Variants in TXNDC5 observed in about 807,000 individuals in gnomAD.
TXNDC5 encodes thioredoxin domain containing 5.
In TXNDC5, 44 loss-of-function variants were observed where a neutral mutation model predicts 52.6. The observed-to-expected ratio is 0.84, with a 90% CI of 0.66 to 1.08. The LOEUF (loss-of-function observed/expected upper bound fraction) is 1.08. Among genes scored for constraint, TXNDC5 ranks in the 50% least tolerant of loss-of-function variants. The probability of loss-of-function intolerance (pLI) is 0.00; values close to 1 mark genes in which losing one functional copy is unlikely to be tolerated. For synonymous variants in TXNDC5, 241 were observed against 234.4 expected (o/e 1.03, Z -0.26); for missense variants, 600 against 565.5 (o/e 1.06, Z -0.62).
At chr6:7,892,331 G>A (rs1483532299) in intron 4 of TXNDC5, among the ~76,000 whole-genome samples, 1 of 152,172 alleles carries the variant, frequency 6.6e-6, no homozygotes, top group Non-Finnish European at 1.5e-5. Context: ...CACACTACGG[G>A]GACACAATTA....
chr6:7,899,502 A>T, intron 3 of TXNDC5, 74 bp downstream of exon 3: 1 of 1,141,884 alleles, frequency 8.8e-7, no homozygotes, highest in Non-Finnish European at 1.2e-6. Flanking sequence ...CTGCCCCGTT[A>T]CATATTACCC....
intron 2 of TXNDC5, among the ~76,000 whole-genome samples, chr6:7,900,519 G>A (rs943510662): frequency 2.0e-5 from 3 of 152,216 alleles, no homozygotes; most frequent in Non-Finnish European, 2.9e-5. Context: ...TCTACAGCGC[G>A]TATGTGGATT....
At chr6:7,893,121 A>G (rs753258951) in intron 4 of TXNDC5, among the ~76,000 whole-genome samples, 1 of 152,250 alleles carries the variant, frequency 6.6e-6, no homozygotes, top group East Asian at 1.9e-4. Context: ...AAACCCTCAC[A>G]GCATCATTAT....
At chr6:7,883,410 C>T (rs1581303409) in intron 9 of TXNDC5, 144 bp from the exon 10 acceptor site, 1 of 1,156,912 alleles carries the variant, frequency 8.6e-7, no homozygotes, top group East Asian at 2.6e-5. Flanking sequence ...TCCATTAAAA[C>T]AGGAGCAGAC....
Position 7,883,023 on chromosome 6 carries a change from A to C in TXNDC5, c.*121T>G. On this transcript the variant is annotated 3_prime_UTR_variant, in exon 10 of 10. Transcript: ENST00000379757. ...AACACACACACAAAGAAGATACCTCACGCTTAGTATGTTCTGCTTTCTGAA... is the reference window on the plus strand; with the variant it reads ...AACACACACACAAAGAAGATACCTCCCGCTTAGTATGTTCTGCTTTCTGAA... 3 of 1,337,180 alleles carry C rather than the reference A, an allele frequency of 2.2e-6. No homozygotes were observed. Among genetic ancestry groups the C allele is most frequent in the South Asian group, 1.3e-5 (1 of 75,302 alleles). The allele number at this position is 1,337,180 out of a possible 1,614,324, so 82.8% of individuals were successfully genotyped here. A position where few individuals can be genotyped will look rare whatever the true frequency, so the allele number is the denominator to read the frequency against.
intron 7 of TXNDC5, among the ~76,000 whole-genome samples, chr6:7,886,998 A>G (rs952741781): frequency 6.6e-6 from 1 of 152,244 alleles, no homozygotes; most frequent in Middle Eastern, 3.2e-3. Flanking sequence ...GTATATAATT[A>G]TACTCAATTT....
intron 1 of TXNDC5, among the ~76,000 whole-genome samples, chr6:7,907,181 A>G (rs192713531): frequency 1.6e-5 from 2 of 124,812 alleles, no homozygotes; most frequent in Admixed American, 7.5e-5. Context: ...TTTTTTTGAG[A>G]AAACACAAGA....
intron 3 of TXNDC5, among the ~76,000 whole-genome samples, chr6:7,898,082 GAT>G (rs1185900627): frequency 6.7e-6 from 1 of 149,904 alleles, no homozygotes; most frequent in Non-Finnish European, 1.5e-5. Flanking sequence ...TTTTTTCCAC[GAT>G]AGTTTTTGCT....
Position 7,910,005 on chromosome 6 carries a change from T to C in TXNDC5, c.263+509A>G, listed in dbSNP as rs547917369. The C allele has an allele frequency of 2.6e-4, 256 of 986,072 alleles. 2 individuals carry two copies. In the African/African-American group the frequency reaches 4.2e-3, roughly 16 times the overall value. The allele number at this position is 986,072 out of a possible 1,614,324, so 61.1% of individuals were successfully genotyped here. ...AGGGACCGCGGGGTGACATTTGGAC[T>C]CCCGGCTGCCCGAAAGGGCGACGAC... On this transcript the variant is annotated intron_variant, in intron 1 of 9. Transcript: ENST00000379757.
At chr6:7,908,281 C>CAAAAAAAAAAAAAAAAAAAAA in intron 1 of TXNDC5, among the ~76,000 whole-genome samples, 1 of 62,780 alleles carries the variant, frequency 1.6e-5, no homozygotes, top group Non-Finnish European at 3.2e-5. Context: ...GACTCCATCT[C>CAAAAAAAAAAAAAAAAAAAAA]AAAAAAAAAA....
chr6:7,909,364 G>A (rs1008721647), intron 1 of TXNDC5, among the ~76,000 whole-genome samples: 2 of 151,498 alleles, frequency 1.3e-5, no homozygotes. Flanking sequence ...TAAAATTATG[G>A]CTTTCTGCTC....
At position 7,910,698 on chromosome 6, in the gene TXNDC5, C is replaced by CCAGCAGCAG. The variant is rs775841007; in HGVS notation, c.70_78dup (p.Leu24_Leu26dup). On this transcript the variant is annotated inframe_insertion, in exon 1 of 10. Coordinates refer to ENST00000379757, the MANE Select transcript of TXNDC5 (RefSeq NM_030810.5). The stretch of plus-strand genomic sequence containing the variant: ...CCCCAGCGCCCGCCGCCGCCATGGC[C>CCAGCAGCAG]CAGCAGCAGCAGCAGCAGCGCAGTC... The CCAGCAGCAG allele has an allele frequency of 4.9e-5, 54 of 1,092,938 alleles. No individual in the cohort carries two copies. The East Asian group carries it at 7.0e-4, about 14-fold the overall frequency. The allele number at this position is 1,092,938 out of a possible 1,614,324, so 67.7% of individuals were successfully genotyped here. A position where few individuals can be genotyped will look rare whatever the true frequency, so the allele number is the denominator to read the frequency against.
At chr6:7,900,624 G>A (rs1310043694) in intron 2 of TXNDC5, among the ~76,000 whole-genome samples, 2 of 152,138 alleles carry the variant, frequency 1.3e-5, no homozygotes, top group East Asian at 1.9e-4. Context: ...TTAGTTCAAC[G>A]GCTGTAACAG....
At chr6:7,910,060 G>A (rs1174747345) in intron 1 of TXNDC5, 2 of 986,198 alleles carry the variant, frequency 2.0e-6, no homozygotes, top group Admixed American at 6.1e-5. Flanking sequence ...GTGCCGAGGT[G>A]CAAGAGGCGG....
At chr6:7,910,149 C>A in intron 1 of TXNDC5, 1 of 988,694 alleles carries the variant, frequency 1.0e-6, no homozygotes, top group South Asian at 4.6e-5. Flanking sequence ...CGCACCGCCC[C>A]GGCCGCCGAG....
Position 7,902,645 on chromosome 6 carries a change from G to A in TXNDC5, c.413+1929C>T, listed in dbSNP as rs186583750. On this transcript the variant is annotated intron_variant, in intron 2 of 9. Coordinates refer to ENST00000379757, the MANE Select transcript of TXNDC5 (RefSeq NM_030810.5). The stretch of plus-strand genomic sequence containing the variant: ...TTGCACACAGCACATTCCACCTCCT[G>A]CATTCTCGGGGGGAAAATAATCTGT... Among the ~76,000 whole-genome samples, 143 of 152,060 alleles carry A rather than the reference G, an allele frequency of 9.4e-4. 1 individual carries two copies. Among genetic ancestry groups the A allele is most frequent in the African/African-American group, 3.3e-3 (138 of 41,468 alleles).
intron 2 of TXNDC5, among the ~76,000 whole-genome samples, chr6:7,901,488 T>A (rs879471998): frequency 2.6e-5 from 4 of 152,130 alleles, no homozygotes; most frequent in Middle Eastern, 3.4e-3. Context: ...ACAAATAATT[T>A]AAAAAAAACC....
intron 7 of TXNDC5, among the ~76,000 whole-genome samples, chr6:7,886,440 T>C (rs1038337939): frequency 3.3e-5 from 5 of 152,196 alleles, no homozygotes; most frequent in Admixed American, 6.5e-5. Flanking sequence ...GCCTGGAGTC[T>C]CCAGGATACC....
intron 3 of TXNDC5, among the ~76,000 whole-genome samples, chr6:7,897,523 G>A (rs544916670): frequency 6.6e-6 from 1 of 152,298 alleles, no homozygotes; most frequent in South Asian, 2.1e-4. Context: ...ATTATCTGGG[G>A]CCTGCTATTG....
Sources: gnomAD v4.1 joint callset for allele counts (sites outside exome capture counted in the v4.1 genomes callset) on GRCh38, gnomAD v4.1.1 for gene constraint, MANE v1.5 for transcripts, NCBI Gene and HGNC (gene_info 2026-07-23, HGNC 2026-07-21) for gene names.